REXO1: variants seen among roughly 807,000 people sequenced by gnomAD.
The protein encoded by REXO1 is REX1, RNA exonuclease 1 homolog.
A neutral mutation model predicts 102.6 loss-of-function variants in REXO1; 42 were observed. The observed-to-expected ratio is 0.41, with a 90% CI of 0.32 to 0.53. The LOEUF (loss-of-function observed/expected upper bound fraction) is 0.53. REXO1 is among the 20% of genes least tolerant of loss of function. The pLI is 0.27. For synonymous variants in REXO1, 908 were observed against 779.1 expected (o/e 1.17, Z -2.76); for missense variants, 1,819 against 1,732.5 (o/e 1.05, Z -0.89).
intron 1 of REXO1, among the ~76,000 whole-genome samples, chr19:1,831,705 C>T (rs1457255439): frequency 4.0e-5 from 6 of 151,486 alleles, no homozygotes; most frequent in Non-Finnish European, 5.9e-5. Flanking sequence ...ATTACCCAGC[C>T]GTGGTGACCC....
chr19:1,818,981 C>T (rs746710354), intron 8 of REXO1, 37 bp downstream of exon 8: 14 of 1,577,086 alleles, frequency 8.9e-6, no homozygotes, highest in Non-Finnish European at 5.2e-6. Context: ...CAGAGGCCCA[C>T]GAAGCACCGT....
intron 1 of REXO1, among the ~76,000 whole-genome samples, chr19:1,829,703 G>T (rs1307609743): frequency 1.3e-5 from 2 of 152,094 alleles, no homozygotes; most frequent in Admixed American, 6.5e-5. Context: ...AGCTACTCAG[G>T]AGGCTGAGGC....
chr19:1,848,292 G>T lies in REXO1; in HGVS notation c.67C>A (p.Pro23Thr). ...AAGTGGCAGTAGGGCCGCCGGCAGG[G>T]CCCCCCGGGCGCCCCAGACCAATAG... is the stretch of plus-strand genomic sequence containing the variant. ...CPYWSGAPGG[P>T]CRRPYCHFRH... is the part of the protein sequence containing the mutation. Residue 23 changes from proline to threonine, a missense_variant, in exon 1 of 16, where the codon CCC (proline) becomes ACC (threonine). Transcript: ENST00000170168. 8.1e-7 allele frequency: 1 copy of T among 1,232,200 alleles called. No homozygotes were observed. Among genetic ancestry groups the T allele is most frequent in the Non-Finnish European group, 1.0e-6 (1 of 981,952 alleles). The allele number at this position is 1,232,200 out of a possible 1,614,324, so 76.3% of individuals were successfully genotyped here. A position where few individuals can be genotyped will look rare whatever the true frequency, so the allele number is the denominator to read the frequency against.
chr19:1,835,737 T>C (rs1568711557), intron 1 of REXO1, among the ~76,000 whole-genome samples: 1 of 152,130 alleles, frequency 6.6e-6, no homozygotes, highest in Admixed American at 6.5e-5. Flanking sequence ...AGGAAAAGCC[T>C]ACCTCCAGAG....
chr19:1,821,780 G>GCGGAGA, intron 4 of REXO1, 98 bp from the exon 5 acceptor site: 1 of 1,126,858 alleles, frequency 8.9e-7, no homozygotes, highest in Non-Finnish European at 1.3e-6. Flanking sequence ...CCAGCAGCAC[G>GCGGAGA]TGCATCTCCG....
chr19:1,816,353 C>T lies in REXO1; in HGVS notation c.3457-8G>A, dbSNP rs766253419. 1 of 1,589,520 alleles carries T rather than the reference C, an allele frequency of 6.3e-7. No individual in the cohort carries two copies. Among genetic ancestry groups the T allele is most frequent in the Admixed American group, 1.7e-5 (1 of 57,532 alleles). On this transcript the variant is annotated splice_region_variant and splice_polypyrimidine_tract_variant and intron_variant, in intron 14 of 15. Transcript: ENST00000170168. The stretch of plus-strand genomic sequence containing the variant: ...CACGGTGCTGTGGATGACCTGTGGG[C>T]AGCGGCAGAGATCAGCGCACGTGGG...
Position 1,828,116 on chromosome 19 carries a change from T to C in REXO1, c.673A>G (p.Asn225Asp). ...PVPSGKYVVD[N>D]SRPPTDLEYD... ...TCCAGGTCTGTGGGTGGCCTGGAGT[T>C]GTCCACCACGTACTTGCCACTGGGA... The change falls in exon 2 of 16, where the codon AAC (asparagine) becomes GAC (aspartate). Residue 225 changes from asparagine to aspartate, a missense_variant. Coordinates refer to ENST00000170168, the MANE Select transcript of REXO1 (RefSeq NM_020695.4). 2 of 1,612,852 alleles carry C rather than the reference T, an allele frequency of 1.2e-6. No homozygotes were observed. The highest frequency in any genetic ancestry group is 1.3e-5 in the African/African-American group (1 of 75,004).
At position 1,827,516 on chromosome 19, in the gene REXO1, G is replaced by T; in HGVS notation, c.1273C>A (p.Arg425Ser). ...KKGPQASSPRRKAERPEGTKK... is the reference protein window; with the variant it reads ...KKGPQASSPRSKAERPEGTKK... ...GTCCCTTCCGGCCGCTCTGCCTTGCGCCGGGGGCTGCTGGCCTGCGGGCCC... is the reference window on the plus strand; with the variant it reads ...GTCCCTTCCGGCCGCTCTGCCTTGCTCCGGGGGCTGCTGGCCTGCGGGCCC... Residue 425 changes from arginine to serine, a missense_variant, in exon 2 of 16, where the codon CGC (arginine) becomes AGC (serine). Arg to Ser is a moderately radical substitution (Grantham distance 110, BLOSUM62 -1). Transcript: ENST00000170168. 6.3e-7 allele frequency: 1 copy of T among 1,582,776 alleles called. No homozygotes were observed.
At chr19:1,821,952 C>G in intron 4 of REXO1, 1 of 548,510 alleles carries the variant, frequency 1.8e-6, no homozygotes, top group Non-Finnish European at 3.2e-6. Flanking sequence ...GCCACGTGTT[C>G]TGACCCCAAG....
At chr19:1,823,823 G>A (rs753947562) in intron 3 of REXO1, 38 bp from the exon 4 acceptor site, 20 of 1,035,338 alleles carry the variant, frequency 1.9e-5, no homozygotes, top group Middle Eastern at 3.5e-4. Context: ...GCAGCACAGC[G>A]GGGGCACCTG....
chr19:1,840,615 T>C (rs183307824), intron 1 of REXO1, among the ~76,000 whole-genome samples: 9 of 152,132 alleles, frequency 5.9e-5, no homozygotes, highest in Admixed American at 1.3e-4. Context: ...CCAGTAATCC[T>C]GTGTTTGGAA....
Position 1,847,653 on chromosome 19 carries a change from T to A in REXO1, c.157+549A>T, listed in dbSNP as rs960808151. The stretch of plus-strand genomic sequence containing the variant: ...TCCTCGGAGCCCACTCGAGTAAGCT[T>A]TGACTTCCTCCCTGCCAGTCATGCT... On this transcript the variant is annotated intron_variant, in intron 1 of 15. Transcript: ENST00000170168. 2.6e-5 allele frequency among the ~76,000 whole-genome samples: 4 copies of A among 152,350 alleles called. No homozygotes were observed. The East Asian group carries it at 7.7e-4, about 29-fold the overall frequency.
In REXO1 at chr19:1,827,582, CCTTGTCCTTGGT is replaced by C. The variant is rs2069773587; in HGVS notation, c.1195_1206del (p.Thr399_Lys402del). The C allele has an allele frequency of 6.3e-7, 1 of 1,593,356 alleles. No individual in the cohort carries two copies. Among genetic ancestry groups the C allele is most frequent in the Non-Finnish European group, 8.5e-7 (1 of 1,176,230 alleles). On this transcript the variant is annotated inframe_deletion, in exon 2 of 16. Transcript: ENST00000170168. ...GGCTTCTCCACAGGCCGCCCTCGGC[CCTTGTCCTTGGT>C]CTTGTCCTTCCCCTGGGCCCCGTCT...
intron 4 of REXO1, chr19:1,823,352 G>A: frequency 2.5e-6 from 1 of 397,482 alleles, no homozygotes; most frequent in Non-Finnish European, 4.4e-6. Flanking sequence ...AGTAACCCCG[G>A]AGCTGGGTCA....
intron 1 of REXO1, among the ~76,000 whole-genome samples, 156 bp from the exon 2 acceptor site, chr19:1,828,787 G>A (rs529336292): frequency 6.6e-6 from 1 of 152,388 alleles, no homozygotes; most frequent in South Asian, 2.1e-4. Flanking sequence ...TGCCCAGCTG[G>A]GTACAGGCCA....
intron 9 of REXO1, 27 bp from the exon 10 acceptor site, chr19:1,818,622 T>C (rs2069440169): frequency 1.9e-6 from 3 of 1,607,804 alleles, no homozygotes; most frequent in Non-Finnish European, 2.5e-6. Context: ...AGGTGGAAGC[T>C]GAGGCTCACG....
intron 1 of REXO1, among the ~76,000 whole-genome samples, chr19:1,837,821 G>A (rs181553510): frequency 6.6e-6 from 1 of 152,326 alleles, no homozygotes; most frequent in East Asian, 1.9e-4. Context: ...GGGTCCAGGG[G>A]AGAAAAAGAA....
intron 11 of REXO1, 143 bp from the exon 12 acceptor site, chr19:1,817,472 G>A (rs1408126242): frequency 5.4e-6 from 8 of 1,476,638 alleles, no homozygotes; most frequent in South Asian, 1.4e-5. Context: ...GTGAGCAGGT[G>A]GGGAAGGGGG....
chr19:1,838,845 C>T (rs764228206), intron 1 of REXO1, among the ~76,000 whole-genome samples: 2 of 151,464 alleles, frequency 1.3e-5, no homozygotes, highest in African/African-American at 2.4e-5. Context: ...CAGCCGGGCA[C>T]GGTAGCTCAC....
Sources: gnomAD v4.1 joint callset for allele counts (sites outside exome capture counted in the v4.1 genomes callset) on GRCh38, gnomAD v4.1.1 for gene constraint, MANE v1.5 for transcripts, NCBI Gene and HGNC (gene_info 2026-07-23, HGNC 2026-07-21) for gene names.